The following SCYL2 variants were observed in gnomAD, a reference collection of about 807,000 sequenced individuals.
SCYL2 encodes the protein SCY1 like pseudokinase 2, also known as SCY1-like protein 2.
In SCYL2, 36 loss-of-function variants were observed where a neutral mutation model predicts 100.4. The ratio of observed to expected loss-of-function variants is 0.36; its 90% CI spans 0.27 to 0.47. The LOEUF is 0.47. Ranked by LOEUF, SCYL2 falls within the 20% of genes least tolerant of loss-of-function variation. SCYL2 has a pLI of 1.00. For missense variants in SCYL2, 902 were observed against 1,083.9 expected (o/e 0.83, Z 2.36); for synonymous variants, 330 against 359.2 (o/e 0.92, Z 0.92).
chr12:100,318,646 C>G (rs1592960256), intron 10 of SCYL2, among the ~76,000 whole-genome samples: 1 of 152,118 alleles, frequency 6.6e-6, no homozygotes. Context: ...GTGCCTTTTT[C>G]TCATGAAAAC....
At position 100,312,608 on chromosome 12, in the gene SCYL2, C is replaced by G. The variant is rs1401073802; in HGVS notation, c.807C>G (p.Val269=). 1.9e-6 allele frequency: 3 copies of G among 1,612,708 alleles called. No homozygotes were observed. In the Admixed American group the frequency reaches 5.0e-5, roughly 27 times the overall value. ...ATAAAGGGAAACCTATATTTGAAGT[C>G]AACAAGCAAGATATTTACAAGAGTT... ...VFNKGKPIFE[V]NKQDIYKSFS... The change falls in exon 6 of 18, where the codon GTC becomes GTG. Residue 269 remains valine, a synonymous_variant. Transcript: ENST00000360820.
At chr12:100,318,312 G>A (rs1244964486) in intron 10 of SCYL2, among the ~76,000 whole-genome samples, 1 of 150,072 alleles carries the variant, frequency 6.7e-6, no homozygotes, top group Non-Finnish European at 1.5e-5. Flanking sequence ...AGATGCATGT[G>A]CCTTTTTCTT....
chr12:100,274,080 T>C (rs2096290218), intron 1 of SCYL2, among the ~76,000 whole-genome samples: 1 of 152,194 alleles, frequency 6.6e-6, no homozygotes, highest in South Asian at 2.1e-4. Context: ...CTTACAAAAA[T>C]GCAGCATTAA....
intron 3 of SCYL2, 140 bp from the exon 4 acceptor site, chr12:100,297,891 A>C: frequency 3.0e-6 from 2 of 675,244 alleles, no homozygotes; most frequent in Non-Finnish European, 4.7e-6. Flanking sequence ...TAAGTGGATT[A>C]TGTCTATGCT....
intron 3 of SCYL2, among the ~76,000 whole-genome samples, chr12:100,295,770 C>CGGGAGA (rs371313111): frequency 2.4e-4 from 35 of 147,824 alleles, no homozygotes; most frequent in South Asian, 1.3e-3. Flanking sequence ...CGTGGGGAGA[C>CGGGAGA]GGGAGAGGGA....
chr12:100,287,288 T>C (rs1255072356), intron 2 of SCYL2, among the ~76,000 whole-genome samples: 1 of 152,190 alleles, frequency 6.6e-6, no homozygotes, highest in Non-Finnish European at 1.5e-5. Flanking sequence ...GTTGTTGTTG[T>C]TGTTGTTGTT....
chr12:100,267,612 C>G lies in SCYL2; in HGVS notation c.-209C>G, dbSNP rs1305341290. 1 of 152,404 alleles carries G rather than the reference C, an allele frequency of 6.6e-6. No homozygotes were observed. Among genetic ancestry groups the G allele is most frequent in the African/African-American group, 2.4e-5 (1 of 41,452 alleles). 9.4% of individuals were successfully genotyped at this position (152,404 alleles called of 1,614,324 possible). A position where few individuals can be genotyped will look rare whatever the true frequency, so the allele number is the denominator to read the frequency against. ...GCGCAAAGCGGGGCTGGACGAGCAGCGAGCTCCGGGGAGCGGATCCGAGAG... is the reference window on the plus strand; with the variant it reads ...GCGCAAAGCGGGGCTGGACGAGCAGGGAGCTCCGGGGAGCGGATCCGAGAG... On this transcript the variant is annotated 5_prime_UTR_variant, in exon 1 of 18. Transcript: ENST00000360820.
At chr12:100,314,715 C>A in intron 8 of SCYL2, 101 bp downstream of exon 8, 1 of 1,191,400 alleles carries the variant, frequency 8.4e-7, no homozygotes, top group Non-Finnish European at 1.2e-6. Context: ...TATAACTTTG[C>A]CTGAGGTACA....
At chr12:100,298,560 C>CT (rs1368109735) in intron 4 of SCYL2, among the ~76,000 whole-genome samples, 1 of 151,994 alleles carries the variant, frequency 6.6e-6, no homozygotes, top group Admixed American at 6.6e-5. Context: ...CTTTTCTTTT[C>CT]TTTTTTGAGA....
intron 11 of SCYL2, among the ~76,000 whole-genome samples, chr12:100,324,882 C>T (rs139453641): frequency 4.0e-4 from 61 of 152,264 alleles, no homozygotes; most frequent in African/African-American, 1.3e-3. Context: ...TACAATCATA[C>T]TATGTACCTT....
intron 14 of SCYL2, 83 bp from the exon 15 acceptor site, chr12:100,335,542 A>G (rs1187224310): frequency 1.0e-6 from 1 of 975,766 alleles, no homozygotes; most frequent in East Asian, 2.4e-5. Flanking sequence ...AATAAATTCC[A>G]TGTGAATAAA....
rs1317944003 is a variant in SCYL2, at chr12:100,311,199, GA to G, written c.630+9del. 3 of 1,582,138 alleles carry G rather than the reference GA, an allele frequency of 1.9e-6. No individual in the cohort carries two copies. The African/African-American group carries it at 4.1e-5, about 22-fold the overall frequency. On this transcript the variant is annotated splice_region_variant and intron_variant, in intron 5 of 17. Coordinates refer to ENST00000360820, the MANE Select transcript of SCYL2 (RefSeq NM_017988.6). ...CCAATCCTTCTGAACAAGAGGTAAT[GA>G]AAGTTTTAGTCTTCTAATTTTTGAG... is the stretch of plus-strand genomic sequence containing the variant.
At chr12:100,334,699 T>G (rs548379043) in intron 14 of SCYL2, among the ~76,000 whole-genome samples, 1 of 152,184 alleles carries the variant, frequency 6.6e-6, no homozygotes, top group South Asian at 2.1e-4. Context: ...CATTTCATAT[T>G]TAGCATCACA....
rs187787594 is a variant in SCYL2, at chr12:100,340,191, G to T, written c.*1019G>T. ...AACAGATTTTCAGCTTGCCATGATA[G>T]TCTGACCTCATTAATTACTGCTACT... On this transcript the variant is annotated 3_prime_UTR_variant, in exon 18 of 18. Coordinates refer to ENST00000360820, the MANE Select transcript of SCYL2 (RefSeq NM_017988.6). 6.6e-6 allele frequency: 1 copy of T among 152,512 alleles called. No homozygotes were observed. Among genetic ancestry groups the T allele is most frequent in the Admixed American group, 6.6e-5 (1 of 15,264 alleles). The allele number at this position is 152,512 out of a possible 1,614,324, so 9.4% of individuals were successfully genotyped here.
chr12:100,325,191 G>A (rs1169087891), intron 11 of SCYL2, among the ~76,000 whole-genome samples: 1 of 152,046 alleles, frequency 6.6e-6, no homozygotes, highest in Non-Finnish European at 1.5e-5. Flanking sequence ...GCAAGCCCCC[G>A]CCGCTCCCCA....
intron 13 of SCYL2, 25 bp from the exon 14 acceptor site, chr12:100,334,141 C>T (rs1398862547): frequency 4.7e-6 from 6 of 1,271,728 alleles, no homozygotes; most frequent in Non-Finnish European, 6.8e-6. Flanking sequence ...AACATTGTAA[C>T]CATATCAATT....
intron 7 of SCYL2, among the ~76,000 whole-genome samples, chr12:100,313,899 T>TA (rs1179944685): frequency 1.3e-5 from 2 of 151,086 alleles, no homozygotes; most frequent in Non-Finnish European, 3.0e-5. Flanking sequence ...TTTTTTTTTT[T>TA]AGACAGAGTT....
chr12:100,320,542 C>T (rs144347490), intron 10 of SCYL2, among the ~76,000 whole-genome samples: 3,696 of 133,586 alleles, frequency 0.028, 146 homozygotes, highest in African/African-American at 0.099. Flanking sequence ...AGTGAGACTC[C>T]GTCTCAAAAA....
At chr12:100,333,834 G>T (rs952873926) in intron 13 of SCYL2, 7 of 167,764 alleles carry the variant, frequency 4.2e-5, no homozygotes, top group Admixed American at 1.3e-4. Context: ...ATCCCAAGAA[G>T]ATCAATATAT....
Sources: gnomAD v4.1 joint callset for allele counts (sites outside exome capture counted in the v4.1 genomes callset) on GRCh38, gnomAD v4.1.1 for gene constraint, MANE v1.5 for transcripts, NCBI Gene and HGNC (gene_info 2026-07-23, HGNC 2026-07-21) for gene names.